The following FGD4 variants were observed in gnomAD, a reference collection of about 807,000 sequenced individuals.
The protein encoded by FGD4 is FYVE, RhoGEF and PH domain containing 4.
FGD4 carries 42 observed loss-of-function variants against 102.0 expected under a neutral mutation model. That is an observed-to-expected ratio of 0.41 (90% CI 0.32 to 0.53). The LOEUF (loss-of-function observed/expected upper bound fraction) is 0.53. Among genes scored for constraint, FGD4 ranks in the 20% least tolerant of loss-of-function variants. FGD4 has a pLI of 0.21. For missense variants in FGD4, 902 were observed against 1,078.2 expected (o/e 0.84, Z 2.29); for synonymous variants, 380 against 375.7 (o/e 1.01, Z -0.13).
chr12:32,618,692 C>G (rs1003669860), intron 10 of FGD4, among the ~76,000 whole-genome samples: 2 of 151,954 alleles, frequency 1.3e-5, no homozygotes, highest in African/African-American at 4.8e-5. Flanking sequence ...TAATTGAGGC[C>G]GGGCATGGTG....
intron 1 of FGD4, among the ~76,000 whole-genome samples, chr12:32,550,407 T>TG (rs933546398): frequency 6.6e-6 from 1 of 152,140 alleles, no homozygotes; most frequent in Admixed American, 6.5e-5. Context: ...TGGTGGCTCA[T>TG]GCCTGTAATC....
chr12:32,439,940 TA>T (rs1334031955), intron 1 of FGD4, among the ~76,000 whole-genome samples: 1 of 152,192 alleles, frequency 6.6e-6, no homozygotes, highest in Non-Finnish European at 1.5e-5. Flanking sequence ...ATTTTGCTAA[TA>T]AAAGACCCTG....
rs1410944950 is a variant in FGD4 at position 32,565,674 on chromosome 12, T to G, written c.319+1385T>G. 2.6e-4 allele frequency among the ~76,000 whole-genome samples: 39 copies of G among 152,176 alleles called. 1 individual carries two copies. On this transcript the variant is annotated intron_variant, in intron 2 of 16. Coordinates refer to ENST00000534526, the MANE Select transcript of FGD4 (RefSeq NM_001370298.3). ...CAGTGTATTGAGAGATATAAGAGTG[T>G]CCTTTCTGAGTTGCATGTGCCAAAA...
intron 4 of FGD4, among the ~76,000 whole-genome samples, chr12:32,587,525 G>A (rs1947145622): frequency 6.6e-6 from 1 of 151,748 alleles, no homozygotes; most frequent in Admixed American, 6.6e-5. Flanking sequence ...TGAGTACCTG[G>A]GACTACAGGC....
rs537646412 is a variant in FGD4, at chr12:32,443,191, G to A, written c.166+43232G>A. On this transcript the variant is annotated intron_variant, in intron 1 of 16. Coordinates refer to ENST00000534526, the MANE Select transcript of FGD4 (RefSeq NM_001370298.3). ...GTTTGATATAAGTCCATAGTAGGGT[G>A]CTTTTAGACATAGGCACAGTAACAG... Among the ~76,000 whole-genome samples, 201 of 152,258 alleles carry A rather than the reference G, an allele frequency of 1.3e-3. 1 individual carries two copies. The highest frequency in any genetic ancestry group is 4.6e-3 in the African/African-American group (192 of 41,548).
At chr12:32,573,823 T>C (rs970371066) in intron 2 of FGD4, among the ~76,000 whole-genome samples, 3 of 152,180 alleles carry the variant, frequency 2.0e-5, no homozygotes, top group African/African-American at 4.8e-5. Flanking sequence ...TAGTATATGA[T>C]CTCCTTGATG....
intron 2 of FGD4, among the ~76,000 whole-genome samples, chr12:32,573,741 C>G (rs1487519573): frequency 6.6e-6 from 1 of 151,932 alleles, no homozygotes; most frequent in South Asian, 2.1e-4. Flanking sequence ...AATTTGATAC[C>G]TCCTCTGTGC....
chr12:32,630,778 T>C lies in FGD4; in HGVS notation c.2173-2771T>C, dbSNP rs191084706. On this transcript the variant is annotated intron_variant, in intron 14 of 16. Coordinates refer to ENST00000534526, the MANE Select transcript of FGD4 (RefSeq NM_001370298.3). ...TTGCAGTGAGCCGAGATCGCGCCAC[T>C]GCACTCCAGCCTGGCAACAGAGTGA... Among the ~76,000 whole-genome samples, 67 of 149,758 alleles carry C rather than the reference T, an allele frequency of 4.5e-4. 1 individual carries two copies. The highest frequency in any genetic ancestry group is 1.6e-3 in the African/African-American group (65 of 40,282).
At chr12:32,634,474 G>A (rs1163879934) in intron 15 of FGD4, among the ~76,000 whole-genome samples, 1 of 152,010 alleles carries the variant, frequency 6.6e-6, no homozygotes, top group East Asian at 1.9e-4. Flanking sequence ...TTTGACTAAT[G>A]TTCTGGAAAA....
intron 7 of FGD4, among the ~76,000 whole-genome samples, chr12:32,603,074 A>G (rs74072685): frequency 0.029 from 4,371 of 152,270 alleles, 233 homozygotes; most frequent in African/African-American, 0.1. Flanking sequence ...CTTTGTTCCA[A>G]TATAGCTCTG....
At chr12:32,411,086 G>T (rs1357774710) in intron 1 of FGD4, among the ~76,000 whole-genome samples, 1 of 149,092 alleles carries the variant, frequency 6.7e-6, no homozygotes. Context: ...GCGCCACCAC[G>T]CCCGGCTAAT....
At chr12:32,572,300 T>C (rs912549514) in intron 2 of FGD4, among the ~76,000 whole-genome samples, 1 of 152,186 alleles carries the variant, frequency 6.6e-6, no homozygotes, top group Non-Finnish European at 1.5e-5. Context: ...AGTAGGTATA[T>C]TGGATTCAGG....
intron 1 of FGD4, among the ~76,000 whole-genome samples, chr12:32,555,569 CT>C (rs776546962): frequency 2.6e-3 from 310 of 118,726 alleles, no homozygotes; most frequent in Admixed American, 3.3e-3. Flanking sequence ...GAGACAAGGT[CT>C]TTTTTTTTTT....
At chr12:32,457,109 C>T (rs1942968674) in intron 1 of FGD4, among the ~76,000 whole-genome samples, 1 of 152,144 alleles carries the variant, frequency 6.6e-6, no homozygotes, top group Non-Finnish European at 1.5e-5. Flanking sequence ...TTTTAAAAAG[C>T]AGAATAAGGC....
intron 1 of FGD4, among the ~76,000 whole-genome samples, chr12:32,424,316 G>A (rs572597520): frequency 2.0e-5 from 3 of 151,920 alleles, no homozygotes; most frequent in Non-Finnish European, 4.4e-5. Context: ...GAGAACATGC[G>A]GTGTTTGGTT....
chr12:32,586,924 C>T (rs1947087596), intron 4 of FGD4, among the ~76,000 whole-genome samples: 2 of 152,130 alleles, frequency 1.3e-5, no homozygotes, highest in South Asian at 2.1e-4. Flanking sequence ...GGTGCAGTGG[C>T]TCACCCCTGT....
rs776556112 is a variant in FGD4, at chr12:32,600,584, C to CTTTTTTTTTTT, written c.1102-691_1102-690insTTTTTTTTTTT. 2.7e-3 allele frequency: 727 copies of CTTTTTTTTTTT among 269,032 alleles called. 6 individuals are homozygous for CTTTTTTTTTTT. Among genetic ancestry groups the CTTTTTTTTTTT allele is most frequent in the African/African-American group, 6.5e-3 (163 of 25,048 alleles). The allele number at this position is 269,032 out of a possible 1,614,324, so 16.7% of individuals were successfully genotyped here. A position where few individuals can be genotyped will look rare whatever the true frequency, so the allele number is the denominator to read the frequency against. ...GTTTTTTGTTTTTCTTTCTTTCTTT[C>CTTTTTTTTTTT]TTTCTTTCTTTTTTTTTTTTTTGTC... On this transcript the variant is annotated intron_variant, in intron 5 of 16. Coordinates refer to ENST00000534526, the MANE Select transcript of FGD4 (RefSeq NM_001370298.3).
chr12:32,521,372 CAAAAA>C (rs60786078), intron 1 of FGD4, among the ~76,000 whole-genome samples: 1 of 93,964 alleles, frequency 1.1e-5, no homozygotes, highest in African/African-American at 4.2e-5. Flanking sequence ...GACTCCGTCT[CAAAAA>C]AAAAAAAAAA....
chr12:32,426,684 T>A (rs1034557395), intron 1 of FGD4, among the ~76,000 whole-genome samples: 1 of 152,158 alleles, frequency 6.6e-6, no homozygotes, highest in Admixed American at 6.6e-5. Context: ...GCTGTGACTC[T>A]GTCTGGTCCT....
Sources: allele counts gnomAD v4.1 joint callset (sites outside exome capture counted in the v4.1 genomes callset), GRCh38; gene constraint gnomAD v4.1.1; transcripts MANE v1.5; gene names NCBI Gene and HGNC (gene_info 2026-07-23, HGNC 2026-07-21).